The following DIAPH3 variants were observed in gnomAD, a reference collection of about 807,000 sequenced individuals.
DIAPH3 encodes the protein protein diaphanous homolog 3.
A neutral mutation model predicts 144.3 loss-of-function variants in DIAPH3; 117 were observed. The ratio of observed to expected loss-of-function variants is 0.81; its 90% CI spans 0.70 to 0.95. The LOEUF (loss-of-function observed/expected upper bound fraction) is 0.95. DIAPH3 is among the 40% of genes least tolerant of loss of function. The pLI, the probability that DIAPH3 is intolerant of heterozygous loss-of-function variation, is 0.00. For missense variants in DIAPH3, 1,421 were observed against 1,412.7 expected, an observed-to-expected ratio of 1.01 and a Z score of -0.09; for synonymous variants, 519 against 488.9, an observed-to-expected ratio of 1.06 and a Z score of -0.81.
intron 20 of DIAPH3, among the ~76,000 whole-genome samples, chr13:59,895,403 G>T (rs2046027441): frequency 7.1e-6 from 1 of 141,570 alleles, no homozygotes; most frequent in Non-Finnish European, 1.5e-5. Context: ...AGACTTGCAG[G>T]ATAGGAAACT....
intron 20 of DIAPH3, among the ~76,000 whole-genome samples, chr13:59,888,460 C>T (rs1030206138): frequency 2.0e-5 from 3 of 152,012 alleles, no homozygotes; most frequent in African/African-American, 2.4e-5. Flanking sequence ...CTCTTTTATC[C>T]CTTTTCTGCT....
At chr13:59,819,537 A>G (rs1173822867) in intron 24 of DIAPH3, among the ~76,000 whole-genome samples, 2 of 151,876 alleles carry the variant, frequency 1.3e-5, no homozygotes, top group Non-Finnish European at 2.9e-5. Flanking sequence ...TTTCTAAAAA[A>G]CGTTCATATA....
intron 4 of DIAPH3, among the ~76,000 whole-genome samples, chr13:60,086,588 C>T (rs897730033): frequency 2.9e-5 from 3 of 104,824 alleles, no homozygotes; most frequent in Admixed American, 2.4e-4. Flanking sequence ...AATCCCTAAT[C>T]GGAAATAGAA....
intron 4 of DIAPH3, among the ~76,000 whole-genome samples, chr13:60,074,725 A>G (rs1566741342): frequency 6.6e-6 from 1 of 152,034 alleles, no homozygotes; most frequent in Non-Finnish European, 1.5e-5. Flanking sequence ...CACAGTATAA[A>G]CTCACAATGT....
intron 4 of DIAPH3, among the ~76,000 whole-genome samples, chr13:60,073,678 C>T (rs1019201850): frequency 6.6e-6 from 1 of 152,170 alleles, no homozygotes; most frequent in Non-Finnish European, 1.5e-5. Context: ...TTAATAAACA[C>T]TATTTGACAA....
chr13:59,934,551 C>T (rs1229879625), intron 17 of DIAPH3, among the ~76,000 whole-genome samples: 1 of 152,116 alleles, frequency 6.6e-6, no homozygotes, highest in Non-Finnish European at 1.5e-5. Context: ...GAATTACTTG[C>T]ATAATGGCTG....
At chr13:59,726,672 T>C (rs556123789) in intron 27 of DIAPH3, among the ~76,000 whole-genome samples, 2 of 152,294 alleles carry the variant, frequency 1.3e-5, no homozygotes, top group African/African-American at 2.4e-5. Context: ...ATGGCTGATG[T>C]AGTGACCCTT....
intron 27 of DIAPH3, among the ~76,000 whole-genome samples, chr13:59,670,633 A>G (rs1291923901): frequency 7.0e-6 from 1 of 142,030 alleles, no homozygotes; most frequent in African/African-American, 2.7e-5. Flanking sequence ...CCCAGGCTGG[A>G]GTGCAGTGGC....
chr13:59,819,544 T>C (rs1412221594), intron 24 of DIAPH3, among the ~76,000 whole-genome samples: 4 of 151,996 alleles, frequency 2.6e-5, no homozygotes, highest in African/African-American at 9.6e-5. Context: ...AAAACGTTCA[T>C]ATAATGTAGC....
chr13:60,139,520 G>A (rs1310405774), intron 1 of DIAPH3, among the ~76,000 whole-genome samples: 1 of 152,090 alleles, frequency 6.6e-6, no homozygotes, highest in Admixed American at 6.6e-5. Context: ...ATCGTGAAAG[G>A]AGAGCCAACG....
At chr13:59,794,762 G>C (rs2039503469) in intron 25 of DIAPH3, among the ~76,000 whole-genome samples, 1 of 152,140 alleles carries the variant, frequency 6.6e-6, no homozygotes, top group Non-Finnish European at 1.5e-5. Flanking sequence ...TCCCACCTCA[G>C]CCTCCCAAAG....
At chr13:59,930,850 C>T (rs929139139) in intron 17 of DIAPH3, among the ~76,000 whole-genome samples, 4 of 152,150 alleles carry the variant, frequency 2.6e-5, no homozygotes, top group African/African-American at 7.2e-5. Flanking sequence ...ATGGTACCTT[C>T]ACCAAGGGCA....
At chr13:59,987,568 C>G (rs978740163) in intron 12 of DIAPH3, among the ~76,000 whole-genome samples, 1 of 142,990 alleles carries the variant, frequency 7.0e-6, no homozygotes, top group Admixed American at 7.0e-5. Context: ...TTATTGCTTT[C>G]TTTTTGGCCA....
intron 22 of DIAPH3, among the ~76,000 whole-genome samples, chr13:59,854,909 TG>T (rs1349476326): frequency 1.3e-5 from 2 of 152,180 alleles, no homozygotes; most frequent in Non-Finnish European, 2.9e-5. Flanking sequence ...GTCTTCCTGA[TG>T]TGGTTTTCTT....
At chr13:59,735,768 TG>T (rs1225559463) in intron 27 of DIAPH3, among the ~76,000 whole-genome samples, 2 of 152,162 alleles carry the variant, frequency 1.3e-5, no homozygotes, top group Non-Finnish European at 2.9e-5. Flanking sequence ...TTTTTTTTGT[TG>T]TTATTGTTGT....
intron 25 of DIAPH3, among the ~76,000 whole-genome samples, chr13:59,779,593 C>T (rs1477348219): frequency 6.6e-6 from 1 of 151,614 alleles, no homozygotes; most frequent in African/African-American, 2.4e-5. Context: ...CTCACAGCAA[C>T]CTCTGCCTCC....
At chr13:60,065,958 C>A (rs1424373255) in intron 4 of DIAPH3, among the ~76,000 whole-genome samples, 1 of 152,030 alleles carries the variant, frequency 6.6e-6, no homozygotes, top group Non-Finnish European at 1.5e-5. Context: ...CTGCAGAAAC[C>A]TACACATTTC....
chr13:59,918,433 T>C (rs1442326170), intron 18 of DIAPH3, among the ~76,000 whole-genome samples: 2 of 152,108 alleles, frequency 1.3e-5, no homozygotes, highest in Non-Finnish European at 2.9e-5. Flanking sequence ...CTGGCCTATA[T>C]CACTGACGGA....
chr13:59,957,005 T>G (rs1004947297), intron 17 of DIAPH3, among the ~76,000 whole-genome samples: 4 of 152,222 alleles, frequency 2.6e-5, no homozygotes, highest in Non-Finnish European at 5.9e-5. Flanking sequence ...CCGATGCATG[T>G]ACCCCCATTG....
Sources: gnomAD v4.1 joint callset for allele counts (sites outside exome capture counted in the v4.1 genomes callset) on GRCh38, gnomAD v4.1.1 for gene constraint, MANE v1.5 for transcripts, NCBI Gene and HGNC (gene_info 2026-07-23, HGNC 2026-07-21) for gene names.